TTLL5: variants seen among roughly 807,000 people sequenced by gnomAD.
TTLL5 encodes tubulin polyglutamylase TTLL5.
A neutral mutation model predicts 168.4 loss-of-function variants in TTLL5; 132 were observed. That is an observed-to-expected ratio of 0.78 (90% CI 0.68 to 0.91). The LOEUF (loss-of-function observed/expected upper bound fraction) is 0.91. TTLL5 is among the 40% of genes least tolerant of loss of function. The pLI is 0.00. For synonymous variants in TTLL5, 546 were observed against 558.6 expected, an observed-to-expected ratio of 0.98 and a Z score of 0.32; for missense variants, 1,545 against 1,581.5, an observed-to-expected ratio of 0.98 and a Z score of 0.39.
intron 31 of TTLL5, among the ~76,000 whole-genome samples, chr14:75,933,166 A>G (rs555711744): frequency 4.6e-5 from 7 of 152,364 alleles, no homozygotes; most frequent in African/African-American, 1.7e-4. Context: ...GCTTAAAACA[A>G]TAAATATTTG....
intron 6 of TTLL5, among the ~76,000 whole-genome samples, chr14:75,696,140 C>G (rs1222947392): frequency 6.6e-6 from 1 of 151,966 alleles, no homozygotes; most frequent in Non-Finnish European, 1.5e-5. Context: ...TCCTCCTGCC[C>G]CAGTCTCCCA....
At chr14:75,828,120 A>C (rs1328979330) in intron 28 of TTLL5, among the ~76,000 whole-genome samples, 1 of 152,178 alleles carries the variant, frequency 6.6e-6, no homozygotes, top group Non-Finnish European at 1.5e-5. Flanking sequence ...GATTTAGATG[A>C]GAAAAGCAGG....
intron 23 of TTLL5, among the ~76,000 whole-genome samples, chr14:75,777,911 TATG>T: frequency 6.6e-6 from 1 of 151,936 alleles, no homozygotes; most frequent in East Asian, 1.9e-4. Flanking sequence ...TCTTAAGTAA[TATG>T]ATTGATAAAA....
chr14:75,809,504 T>A (rs996535240), intron 27 of TTLL5, among the ~76,000 whole-genome samples: 2 of 152,216 alleles, frequency 1.3e-5, no homozygotes, highest in African/African-American at 4.8e-5. Context: ...ATCTATACAA[T>A]GTGTTATGAT....
intron 6 of TTLL5, among the ~76,000 whole-genome samples, chr14:75,695,991 A>C (rs1039823029): frequency 6.7e-6 from 1 of 148,236 alleles, no homozygotes; most frequent in African/African-American, 2.5e-5. Flanking sequence ...TCCTAGGCTC[A>C]TGTAATCTGC....
chr14:75,914,033 A>AAAATATATATATATATATATATAT, intron 31 of TTLL5, among the ~76,000 whole-genome samples: 2 of 71,100 alleles, frequency 2.8e-5, no homozygotes, highest in Non-Finnish European at 4.1e-5. Flanking sequence ...AAAAAAAAAA[A>AAAATATATATATATATATATATAT]ATATATATAT....
At chr14:75,733,856 T>G (rs2140236565) in intron 13 of TTLL5, 133 bp from the exon 14 acceptor site, 1,299 of 620,840 alleles carry the variant, frequency 2.1e-3, no homozygotes, top group East Asian at 4.3e-3. Context: ...ACCGCCCCCG[T>G]GGATTTTATG....
chr14:75,733,432 G>A (rs1888672031), intron 13 of TTLL5, among the ~76,000 whole-genome samples: 1 of 152,026 alleles, frequency 6.6e-6, no homozygotes, highest in Non-Finnish European at 1.5e-5. Flanking sequence ...CGCCCATCTG[G>A]TGAGATTTTG....
At position 75,724,137 on chromosome 14, in the gene TTLL5, T is replaced by C. The variant is rs180716273; in HGVS notation, c.1042+3434T>C. ...CCAACAGACCAGACATGGGGTTCGCTATATTCTTTTGGTGGTTGTTCCTGT... is the reference window on the plus strand; with the variant it reads ...CCAACAGACCAGACATGGGGTTCGCCATATTCTTTTGGTGGTTGTTCCTGT... On this transcript the variant is annotated intron_variant, in intron 12 of 31. Transcript: ENST00000298832. Among the ~76,000 whole-genome samples the C allele has an allele frequency of 6.6e-5, 10 of 152,234 alleles. No individual in the cohort carries two copies. In the East Asian group the frequency reaches 1.9e-3, roughly 29 times the overall value.
At chr14:75,662,977 A>G in intron 1 of TTLL5, 78 bp from the exon 2 acceptor site, 1 of 700,006 alleles carries the variant, frequency 1.4e-6, no homozygotes, top group Admixed American at 2.0e-5. Context: ...CATTACTTAG[A>G]TTATCAGCAA....
chr14:75,669,486 A>G lies in TTLL5; in HGVS notation c.145A>G (p.Ile49Val), dbSNP rs560613237. ...AGTTTTGGTATTCCATGCCGACGCT[A>G]TTCTTACAAAGGACAACAATATTAG... ...IPVLVFHADA[I>V]LTKDNNIRVI... Residue 49 changes from isoleucine to valine, a missense_variant, in exon 3 of 32, where the codon ATT (isoleucine) becomes GTT (valine). Coordinates refer to ENST00000298832, the MANE Select transcript of TTLL5 (RefSeq NM_015072.5). The G allele has an allele frequency of 1.7e-5, 28 of 1,614,138 alleles. No individual in the cohort carries two copies. The highest frequency in any genetic ancestry group is 3.3e-5 in the South Asian group (3 of 91,084).
chr14:75,826,332 C>CACACACACACAT (rs1555349336), intron 28 of TTLL5, among the ~76,000 whole-genome samples: 4 of 150,562 alleles, frequency 2.7e-5, no homozygotes, highest in African/African-American at 7.3e-5. Flanking sequence ...CACACACACA[C>CACACACACACAT]GAGTCTTTGT....
chr14:75,751,450 T>A (rs894217304), intron 17 of TTLL5, among the ~76,000 whole-genome samples: 4 of 152,170 alleles, frequency 2.6e-5, no homozygotes, highest in Non-Finnish European at 5.9e-5. Flanking sequence ...ACACAAACAC[T>A]GCTAAGTGAT....
chr14:75,929,264 A>C (rs774184921), intron 31 of TTLL5, among the ~76,000 whole-genome samples: 8 of 152,148 alleles, frequency 5.3e-5, no homozygotes, highest in Non-Finnish European at 1.0e-4. Context: ...CATTTGTGTG[A>C]ATTTGGGCAA....
chr14:75,680,615 A>ATTTTT lies in TTLL5; in HGVS notation c.182-910_182-906dup, dbSNP rs35254410. On this transcript the variant is annotated intron_variant, in intron 3 of 31. Coordinates refer to ENST00000298832, the MANE Select transcript of TTLL5 (RefSeq NM_015072.5). ...ATACAGAGGGCTATCTAGAGCAGGGATTTTTTTTTTTTTTTTTTTTTTTTG... is the reference window on the plus strand; with the variant it reads ...ATACAGAGGGCTATCTAGAGCAGGGATTTTTTTTTTTTTTTTTTTTTTTTTTTTTG... Among the ~76,000 whole-genome samples the ATTTTT allele has an allele frequency of 7.0e-4, 71 of 101,992 alleles. 1 individual carries two copies. The highest frequency in any genetic ancestry group is 2.2e-3 in the African/African-American group (55 of 24,712). 66.9% of individuals were successfully genotyped at this position (101,992 alleles called of 152,430 possible). A position where few individuals can be genotyped will look rare whatever the true frequency, so the allele number is the denominator to read the frequency against.
At chr14:75,759,184 TC>T (rs377310499) in intron 18 of TTLL5, among the ~76,000 whole-genome samples, 3 of 152,130 alleles carry the variant, frequency 2.0e-5, no homozygotes, top group African/African-American at 7.2e-5. Context: ...CACTATAGAT[TC>T]AACAGACATA....
intron 3 of TTLL5, among the ~76,000 whole-genome samples, chr14:75,676,302 T>TTA (rs1884152209): frequency 6.6e-6 from 1 of 152,136 alleles, no homozygotes; most frequent in South Asian, 2.1e-4. Context: ...CATTACCAGG[T>TTA]TTCTTAAGAG....
chr14:75,842,936 A>G, intron 28 of TTLL5, among the ~76,000 whole-genome samples: 1 of 152,170 alleles, frequency 6.6e-6, no homozygotes, highest in East Asian at 1.9e-4. Flanking sequence ...AAATCCTGGT[A>G]TATTTCAGTG....
chr14:75,687,729 C>T (rs1184408693), intron 5 of TTLL5, among the ~76,000 whole-genome samples: 1 of 152,040 alleles, frequency 6.6e-6, no homozygotes, highest in Admixed American at 6.6e-5. Flanking sequence ...TAAAACTCAA[C>T]CATAAGGAAA....
Sources: gnomAD v4.1 joint callset for allele counts (sites outside exome capture counted in the v4.1 genomes callset) on GRCh38, gnomAD v4.1.1 for gene constraint, MANE v1.5 for transcripts, NCBI Gene and HGNC (gene_info 2026-07-23, HGNC 2026-07-21) for gene names.